MINDY4: variants seen among roughly 807,000 people sequenced by gnomAD.
MINDY4 encodes MINDY lysine 48 deubiquitinase 4, also known as probable ubiquitin carboxyl-terminal hydrolase MINDY-4.
A neutral mutation model predicts 87.0 loss-of-function variants in MINDY4; 68 were observed. That is an observed-to-expected ratio of 0.78 (90% CI 0.64 to 0.96). The LOEUF (loss-of-function observed/expected upper bound fraction) is 0.96. MINDY4 is among the 40% of genes least tolerant of loss of function. The pLI is 0.00. For missense variants in MINDY4, 919 were observed against 928.2 expected (o/e 0.99, Z 0.13); for synonymous variants, 379 against 363.2 (o/e 1.04, Z -0.50).
At chr7:30,879,767 G>GGT (rs1790402270) in intron 15 of MINDY4, among the ~76,000 whole-genome samples, 1 of 152,126 alleles carries the variant, frequency 6.6e-6, no homozygotes, top group South Asian at 2.1e-4. Flanking sequence ...TCACCATCAG[G>GGT]GTATCTTAAT....
At chr7:30,851,984 G>A (rs969894812) in intron 10 of MINDY4, among the ~76,000 whole-genome samples, 1 of 152,128 alleles carries the variant, frequency 6.6e-6, no homozygotes, top group African/African-American at 2.4e-5. Context: ...TCCCTTTGCA[G>A]TCTTTTTTCC....
rs1787093484 is a variant in MINDY4 at position 30,848,711 on chromosome 7, A to G, written c.1446-1743A>G. On this transcript the variant is annotated intron_variant, in intron 9 of 17. Coordinates refer to ENST00000265299, the MANE Select transcript of MINDY4 (RefSeq NM_032222.3). ...GCTTGGTAACTATTTCCTCCAAGGA[A>G]CATGATGGGCTTCCTGAGGCCAAAG... Among the ~76,000 whole-genome samples the G allele has an allele frequency of 2.0e-5, 3 of 152,178 alleles. 1 individual carries two copies. In the South Asian group the frequency reaches 6.2e-4, roughly 32 times the overall value.
At chr7:30,784,445 G>C (rs1212873601) in intron 3 of MINDY4, among the ~76,000 whole-genome samples, 2 of 152,154 alleles carry the variant, frequency 1.3e-5, no homozygotes, top group African/African-American at 4.8e-5. Flanking sequence ...AATTCCCACA[G>C]CCCCTCCCTG....
intron 8 of MINDY4, among the ~76,000 whole-genome samples, chr7:30,840,420 C>T (rs1380534260): frequency 6.6e-6 from 1 of 152,192 alleles, no homozygotes; most frequent in East Asian, 1.9e-4. Context: ...AGACAATTAA[C>T]ACCCTCAACC....
chr7:30,875,283 A>G (rs1254622285), intron 14 of MINDY4, among the ~76,000 whole-genome samples: 1 of 152,216 alleles, frequency 6.6e-6, no homozygotes, highest in Non-Finnish European at 1.5e-5. Context: ...ATAAAGGTGG[A>G]TGGGTGCCTG....
At chr7:30,851,975 C>G (rs961037891) in intron 10 of MINDY4, among the ~76,000 whole-genome samples, 6 of 152,172 alleles carry the variant, frequency 3.9e-5, no homozygotes, top group African/African-American at 1.4e-4. Context: ...TCCAAGCTCT[C>G]CCTTTGCAGT....
At chr7:30,799,074 A>G (rs1345773173) in intron 5 of MINDY4, among the ~76,000 whole-genome samples, 2 of 152,022 alleles carry the variant, frequency 1.3e-5, no homozygotes, top group Non-Finnish European at 2.9e-5. Context: ...CCTTTATGTC[A>G]TGCACTTCTT....
intron 11 of MINDY4, among the ~76,000 whole-genome samples, chr7:30,852,804 C>A (rs1260398170): frequency 6.6e-6 from 1 of 152,218 alleles, no homozygotes; most frequent in South Asian, 2.1e-4. Context: ...TACCTCTTGC[C>A]AACCTCTTCA....
chr7:30,829,238 A>T (rs1788621569), intron 6 of MINDY4, among the ~76,000 whole-genome samples: 1 of 152,194 alleles, frequency 6.6e-6, no homozygotes, highest in African/African-American at 2.4e-5. Context: ...GCTCTCTAAG[A>T]TCAATATAGA....
At chr7:30,834,280 T>C (rs1788794495) in intron 6 of MINDY4, among the ~76,000 whole-genome samples, 2 of 152,226 alleles carry the variant, frequency 1.3e-5, no homozygotes, top group Non-Finnish European at 2.9e-5. Context: ...CAAACCTCAA[T>C]TCTTGACTTC....
At chr7:30,788,880 G>A (rs1182768485) in intron 4 of MINDY4, among the ~76,000 whole-genome samples, 1 of 151,404 alleles carries the variant, frequency 6.6e-6, no homozygotes, top group Non-Finnish European at 1.5e-5. Flanking sequence ...GGCATAAAAT[G>A]AATAATTTTT....
At chr7:30,777,420 T>C (rs1264501209) in intron 1 of MINDY4, among the ~76,000 whole-genome samples, 1 of 152,226 alleles carries the variant, frequency 6.6e-6, no homozygotes, top group Non-Finnish European at 1.5e-5. Context: ...CTCTTCCCGA[T>C]GCACCTAATC....
At position 30,791,579 on chromosome 7, in the gene MINDY4, G is replaced by A; in HGVS notation, c.1073+5G>A. 6.2e-7 allele frequency: 1 copy of A among 1,606,284 alleles called. No homozygotes were observed. The highest frequency in any genetic ancestry group is 2.2e-5 in the East Asian group (1 of 44,806). On this transcript the variant is annotated splice_donor_5th_base_variant and intron_variant, in intron 5 of 17. Transcript: ENST00000265299. ...CAGCCAGCCCGCACCTGTCAGGTGA[G>A]TGTGCTATGCAAAGGTGACGGCTTT...
chr7:30,792,906 T>C (rs1379116260), intron 5 of MINDY4, among the ~76,000 whole-genome samples: 2 of 151,948 alleles, frequency 1.3e-5, no homozygotes, highest in African/African-American at 4.8e-5. Context: ...TTTTCTAGTT[T>C]ACTGATTCTC....
In MINDY4 at chr7:30,869,618, C is replaced by T. The variant is rs147589907; in HGVS notation, c.1746-2625C>T. On this transcript the variant is annotated intron_variant, in intron 13 of 17. Coordinates refer to ENST00000265299, the MANE Select transcript of MINDY4 (RefSeq NM_032222.3). ...GTGAGTGTGCATCTTTGGTGTCCCTCTATGTGTCCAGATTTCCTCTTCTTC... is the reference window on the plus strand; with the variant it reads ...GTGAGTGTGCATCTTTGGTGTCCCTTTATGTGTCCAGATTTCCTCTTCTTC... Among the ~76,000 whole-genome samples, 145 of 152,222 alleles carry T rather than the reference C, an allele frequency of 9.5e-4. No homozygotes were observed. In the Middle Eastern group the frequency reaches 0.024, roughly 25 times the overall value.
chr7:30,793,540 T>C (rs190149037), intron 5 of MINDY4, among the ~76,000 whole-genome samples: 1 of 152,120 alleles, frequency 6.6e-6, no homozygotes, highest in East Asian at 1.9e-4. Context: ...CTTAGCTTCC[T>C]AAGTACGTGG....
chr7:30,829,479 T>C (rs1051118734), intron 6 of MINDY4, among the ~76,000 whole-genome samples: 1 of 152,242 alleles, frequency 6.6e-6, no homozygotes, highest in Non-Finnish European at 1.5e-5. Context: ...AGACAAGAGC[T>C]GTTCACATGC....
At chr7:30,863,002 C>G (rs551337890) in intron 13 of MINDY4, among the ~76,000 whole-genome samples, 1 of 152,230 alleles carries the variant, frequency 6.6e-6, no homozygotes, top group African/African-American at 2.4e-5. Context: ...TGCCCCCCTC[C>G]CCAGCCTGCC....
chr7:30,891,951 G>C lies in MINDY4; in HGVS notation c.2226-6G>C, dbSNP rs377280430. On this transcript the variant is annotated splice_region_variant and splice_polypyrimidine_tract_variant and intron_variant, in intron 17 of 17. Transcript: ENST00000265299. The stretch of plus-strand genomic sequence containing the variant: ...CTCTTTGTCTCTCTCCTCACTCTAC[G>C]CTTAGGTGGAAGGGGGCATCAGTGA... 4 of 1,614,028 alleles carry C rather than the reference G, an allele frequency of 2.5e-6. No homozygotes were observed. The highest frequency in any genetic ancestry group is 2.5e-6 in the Non-Finnish European group (3 of 1,179,948).
Sources: gnomAD v4.1 joint callset for allele counts (sites outside exome capture counted in the v4.1 genomes callset) on GRCh38, gnomAD v4.1.1 for gene constraint, MANE v1.5 for transcripts, NCBI Gene and HGNC (gene_info 2026-07-23, HGNC 2026-07-21) for gene names.